Variants in APOC4 observed in about 807,000 individuals in gnomAD.
APOC4 encodes apolipoprotein C-IV.
Under a neutral mutation model 8.4 loss-of-function variants are expected in APOC4, and 10 were observed. The ratio of observed to expected loss-of-function variants is 1.19; its 90% CI spans 0.74 to 2.03. The LOEUF (loss-of-function observed/expected upper bound fraction) is 2.03. Ranked by LOEUF, APOC4 falls within the 30% of genes most tolerant of loss-of-function variation. APOC4 has a pLI of 0.00. For synonymous variants in APOC4, 59 were observed against 65.8 expected (o/e 0.90, Z 0.50); for missense variants, 160 against 156.1 (o/e 1.02, Z -0.13).
Position 44,945,172 on chromosome 19 carries a change from CCTA to C in APOC4, c.255_257del (p.Tyr86del), listed in dbSNP as rs1333713597. On this transcript the variant is annotated inframe_deletion, in exon 3 of 3. Transcript: ENST00000592954. Reference sequence around the variant, plus strand: ...AGCACCTTCCGGGGCTTCATGCAGACCTACTATGACGACCACCTGAGGGACCTG... The same window carrying C: ...AGCACCTTCCGGGGCTTCATGCAGACCTATGACGACCACCTGAGGGACCTG... The C allele has an allele frequency of 6.2e-7, 1 of 1,614,088 alleles. No individual in the cohort carries two copies. The highest frequency in any genetic ancestry group is 1.1e-5 in the South Asian group (1 of 91,086).
intron 1 of APOC4, 152 bp downstream of exon 1, chr19:44,942,505 G>C: frequency 1.4e-6 from 1 of 693,338 alleles, no homozygotes; most frequent in Non-Finnish European, 2.3e-6. Flanking sequence ...GGGAGTGTGT[G>C]TGTCGGTGGC....
At chr19:44,945,081 G>T (rs1970302245) in intron 2 of APOC4, 59 bp from the exon 3 acceptor site, 1 of 1,575,066 alleles carries the variant, frequency 6.3e-7, no homozygotes, top group African/African-American at 1.4e-5. Context: ...GCGGATAAAT[G>T]GGGCAGAGAA....
chr19:44,942,388 C>T (rs1425262332), intron 1 of APOC4, 35 bp downstream of exon 1: 1 of 1,605,800 alleles, frequency 6.2e-7, no homozygotes, highest in South Asian at 1.1e-5. Context: ...GTGGGGCCCA[C>T]ACCTGGTGGG....
intron 1 of APOC4, 73 bp downstream of exon 1, chr19:44,942,426 T>A: frequency 6.8e-7 from 1 of 1,478,532 alleles, no homozygotes; most frequent in South Asian, 1.2e-5. Flanking sequence ...GTCCTGTGGC[T>A]CTGTAGCCAC....
At chr19:44,945,119 G>A (rs1339727296) in intron 2 of APOC4, 21 bp from the exon 3 acceptor site, 7 of 1,610,072 alleles carry the variant, frequency 4.3e-6, no homozygotes, top group East Asian at 4.5e-5. Flanking sequence ...GGCCTCCACT[G>A]TGATGTCCTC....
At chr19:44,943,233 AT>A (rs1424811571) in intron 1 of APOC4, among the ~76,000 whole-genome samples, 1 of 151,484 alleles carries the variant, frequency 6.6e-6, no homozygotes, top group Non-Finnish European at 1.5e-5. Flanking sequence ...TGCCTGGCTA[AT>A]TTTTTTATAT....
In APOC4 at chr19:44,945,269, C is replaced by G; in HGVS notation, c.348C>G (p.Cys116Trp). Residue 116 changes from cysteine to tryptophan, a missense_variant, in exon 3 of 3, where the codon TGC (cysteine) becomes TGG (tryptophan). Physicochemically the swap from Cys to Trp is radical, Grantham distance 215. Coordinates refer to ENST00000592954, the MANE Select transcript of APOC4 (RefSeq NM_001646.3). The part of the protein sequence containing the change: ...DSLLKKTHSL[C>W]PRLVCGDKDQ... ...TCTTGAAGAAGACCCACAGCCTGTG[C>G]CCCAGGCTTGTCTGTGGGGACAAGG... The G allele has an allele frequency of 6.2e-7, 1 of 1,613,916 alleles. No individual in the cohort carries two copies.
Position 44,945,415 on chromosome 19 carries a change from C to T in APOC4, c.*110C>T. ...CCCAGGAGTTCGAGACCAGCCTGGG[C>T]AACACAGCGAGATCTCTTGGGGGTA... On this transcript the variant is annotated 3_prime_UTR_variant, in exon 3 of 3. Coordinates refer to ENST00000592954, the MANE Select transcript of APOC4 (RefSeq NM_001646.3). 9.2e-7 allele frequency: 1 copy of T among 1,085,766 alleles called. No homozygotes were observed. Among genetic ancestry groups the T allele is most frequent in the Non-Finnish European group, 1.3e-6 (1 of 761,968 alleles). The allele number at this position is 1,085,766 out of a possible 1,614,324, so 67.3% of individuals were successfully genotyped here.
At chr19:44,943,156 C>T (rs905602800) in intron 1 of APOC4, among the ~76,000 whole-genome samples, 1 of 151,898 alleles carries the variant, frequency 6.6e-6, no homozygotes, top group Non-Finnish European at 1.5e-5. Context: ...ATCCTGACCT[C>T]GTGATCCGCC....
chr19:44,944,847 G>C lies in APOC4; in HGVS notation c.175G>C (p.Glu59Gln), dbSNP rs147674610. The C allele has an allele frequency of 2.2e-5, 36 of 1,608,658 alleles. No homozygotes were observed. Among genetic ancestry groups the C allele is most frequent in the Non-Finnish European group, 3.0e-5 (35 of 1,178,208 alleles). Reference protein sequence around the residue: ...LVRGRMKELLETVVNRTRDGW... With the variant: ...LVRGRMKELLQTVVNRTRDGW... The stretch of plus-strand genomic sequence containing the variant: ...GAGGGGCAGGATGAAGGAGCTGCTG[G>C]AGACAGTGGTGAACAGGACCAGAGA... The change falls in exon 2 of 3, where the codon GAG becomes CAG. Residue 59 changes from glutamate (E) to glutamine (Q), a missense_variant. Coordinates refer to ENST00000592954, the MANE Select transcript of APOC4 (RefSeq NM_001646.3).
chr19:44,943,615 T>C (rs1970283540), intron 1 of APOC4, among the ~76,000 whole-genome samples: 1 of 151,760 alleles, frequency 6.6e-6, no homozygotes, highest in African/African-American at 2.4e-5. Flanking sequence ...TAGTCCCAGC[T>C]ACTCGGGAGG....
chr19:44,944,637 G>A (rs1970295779), intron 1 of APOC4, 112 bp from the exon 2 acceptor site: 2 of 1,356,820 alleles, frequency 1.5e-6, no homozygotes, highest in Non-Finnish European at 2.0e-6. Context: ...AAGAGGACTG[G>A]CAGGGGGCTG....
chr19:44,944,352 C>T (rs1434946816), intron 1 of APOC4, among the ~76,000 whole-genome samples: 1 of 151,868 alleles, frequency 6.6e-6, no homozygotes, highest in Non-Finnish European at 1.5e-5. Context: ...CATGGCAAAA[C>T]CCCATCTCTT....
rs1220696811 is a variant in APOC4 at position 44,942,269 on chromosome 19, C to T, written c.-9C>T. 1 of 1,607,748 alleles carries T rather than the reference C, an allele frequency of 6.2e-7. No homozygotes were observed. The highest frequency in any genetic ancestry group is 1.7e-5 in the Admixed American group (1 of 59,090). ...AGCACAGAGGGACAGAGGCACGGAA[C>T]CCCCAGAAATGTCCCTCCTCAGAAA... On this transcript the variant is annotated 5_prime_UTR_variant, in exon 1 of 3. Transcript: ENST00000592954.
Position 44,944,858 on chromosome 19 carries a change from G to A in APOC4, c.186G>A (p.Val62=). 6.2e-7 allele frequency: 1 copy of A among 1,608,250 alleles called. No homozygotes were observed. The highest frequency in any genetic ancestry group is 8.5e-7 in the Non-Finnish European group (1 of 1,178,030). The part of the protein sequence containing the change: ...GRMKELLETV[V]NRTRDGWQWF... ...TGAAGGAGCTGCTGGAGACAGTGGT[G>A]AACAGGACCAGAGACGGGTGGCAAT... Residue 62 remains valine (V), a synonymous_variant, in exon 2 of 3, where the codon GTG becomes GTA. Transcript: ENST00000592954.
intron 1 of APOC4, among the ~76,000 whole-genome samples, chr19:44,943,928 C>A (rs555282771): frequency 5.3e-5 from 8 of 152,280 alleles, no homozygotes; most frequent in African/African-American, 1.9e-4. Flanking sequence ...CCCCGCGTGA[C>A]GGCTGGTCTC....
intron 1 of APOC4, 82 bp from the exon 2 acceptor site, chr19:44,944,667 G>T: frequency 6.7e-7 from 1 of 1,484,002 alleles, no homozygotes; most frequent in South Asian, 1.4e-5. Context: ...CACCGGGAGC[G>T]ACACAGGATG....
chr19:44,942,554 GATC>G (rs1180490758), intron 1 of APOC4, among the ~76,000 whole-genome samples: 3 of 152,160 alleles, frequency 2.0e-5, no homozygotes, highest in African/African-American at 4.8e-5. Flanking sequence ...TACAAACTGG[GATC>G]ATCTGTGTGT....
chr19:44,942,243 G>A lies in APOC4; in HGVS notation c.-35G>A, dbSNP rs758432185. 1.3e-6 allele frequency: 2 copies of A among 1,580,052 alleles called. No individual in the cohort carries two copies. The highest frequency in any genetic ancestry group is 4.6e-5 in the East Asian group (2 of 43,150). On this transcript the variant is annotated 5_prime_UTR_variant, in exon 1 of 3. Transcript: ENST00000592954. Reference sequence around the variant, plus strand: ...CTCCCCTCCCCCGGCCCGCAGAGTTGAGCACAGAGGGACAGAGGCACGGAA... The same window carrying A: ...CTCCCCTCCCCCGGCCCGCAGAGTTAAGCACAGAGGGACAGAGGCACGGAA...
Sources: gnomAD v4.1 joint callset for allele counts (sites outside exome capture counted in the v4.1 genomes callset) on GRCh38, gnomAD v4.1.1 for gene constraint, MANE v1.5 for transcripts, NCBI Gene and HGNC (gene_info 2026-07-23, HGNC 2026-07-21) for gene names.